Variants in STRN observed in about 807,000 individuals in gnomAD.
STRN encodes the protein protein phosphatase 2 regulatory subunit B'''alpha.
Under a neutral mutation model 96.3 loss-of-function variants are expected in STRN, and 53 were observed. That is an observed-to-expected ratio of 0.55 (90% CI 0.44 to 0.69). The LOEUF (loss-of-function observed/expected upper bound fraction) is 0.69. STRN is among the 30% of genes least tolerant of loss of function. STRN has a pLI of 0.00. For missense variants in STRN, 987 were observed against 963.9 expected (o/e 1.02, Z -0.32); for synonymous variants, 428 against 355.9 (o/e 1.20, Z -2.28).
At chr2:36,881,118 C>CTTT (rs3081783) in intron 9 of STRN, among the ~76,000 whole-genome samples, 2 of 78,996 alleles carry the variant, frequency 2.5e-5, no homozygotes, top group South Asian at 6.5e-4. Context: ...ACACTGCCTT[C>CTTT]TTTTTTTTTT....
rs1558657365 is a variant in STRN at position 36,929,140 on chromosome 2, T to G, written c.235-3932A>C. ...TACGTATTTTTCACAGTATAGAAAA[T>G]TATTCACTTCCTAACCATTATAAAC... On this transcript the variant is annotated intron_variant, in intron 1 of 17. Coordinates refer to ENST00000263918, the MANE Select transcript of STRN (RefSeq NM_003162.4). Among the ~76,000 whole-genome samples the G allele has an allele frequency of 2.0e-5, 3 of 152,048 alleles. No homozygotes were observed. The East Asian group carries it at 5.8e-4, about 29-fold the overall frequency.
chr2:36,893,955 C>G lies in STRN; in HGVS notation c.874G>C (p.Val292Leu). 1.2e-6 allele frequency: 2 copies of G among 1,613,664 alleles called. No individual in the cohort carries two copies. The highest frequency in any genetic ancestry group is 1.7e-6 in the Non-Finnish European group (2 of 1,179,836). ...TCATTGTCTCCTTCCTCTGATGTAA[C>G]CAAGAAGTCAAACTCCTTTAGAGCT... ...KEALKEFDFL[V>L]TSEEGDNESR... Residue 292 changes from valine (V) to leucine (L), a missense_variant, in exon 7 of 18, where the codon GTT becomes CTT. Transcript: ENST00000263918.
chr2:36,850,952 ATT>A (rs10668550), intron 16 of STRN, 46 bp downstream of exon 16: 112 of 1,238,904 alleles, frequency 9.0e-5, no homozygotes, highest in African/African-American at 2.0e-4. Flanking sequence ...TGTGGTAGGG[ATT>A]TTTTTTTTTT....
At chr2:36,925,286 A>C (rs971388747) in intron 1 of STRN, 78 bp from the exon 2 acceptor site, 9 of 915,792 alleles carry the variant, frequency 9.8e-6, no homozygotes, top group Non-Finnish European at 1.5e-5. Flanking sequence ...GAACCATTGG[A>C]AGTTTGAACA....
At chr2:36,872,766 C>T (rs1668795471) in intron 10 of STRN, among the ~76,000 whole-genome samples, 1 of 152,134 alleles carries the variant, frequency 6.6e-6, no homozygotes, top group Non-Finnish European at 1.5e-5. Context: ...ACAAAAGTAT[C>T]TAATGGGAAC....
chr2:36,943,411 A>G (rs899619802), intron 1 of STRN, among the ~76,000 whole-genome samples: 5 of 151,692 alleles, frequency 3.3e-5, no homozygotes, highest in African/African-American at 1.2e-4. Context: ...TAAATATATA[A>G]GATTAATAAA....
At chr2:36,914,312 A>C (rs1192753472) in intron 3 of STRN, among the ~76,000 whole-genome samples, 1 of 152,194 alleles carries the variant, frequency 6.6e-6, no homozygotes, top group Non-Finnish European at 1.5e-5. Flanking sequence ...ACATTTAAAA[A>C]ATATATTGCA....
chr2:36,944,632 C>T (rs1670933772), intron 1 of STRN, among the ~76,000 whole-genome samples: 2 of 151,812 alleles, frequency 1.3e-5, no homozygotes, highest in South Asian at 2.1e-4. Context: ...TGAAAAATTG[C>T]CAAAAATAAA....
At position 36,842,305 on chromosome 2, in the gene STRN, G is replaced by T. The variant is rs929219790; in HGVS notation, c.*7151C>A. ...AATTTTTAAAAATCTTTTGTTTGAG[G>T]CAATGAATTGGGAACCTGGTACATA... On this transcript the variant is annotated 3_prime_UTR_variant, in exon 18 of 18. Transcript: ENST00000263918. 2 of 152,002 alleles carry T rather than the reference G, an allele frequency of 1.3e-5. No homozygotes were observed. Among genetic ancestry groups the T allele is most frequent in the African/African-American group, 4.8e-5 (2 of 41,388 alleles). 9.4% of individuals were successfully genotyped at this position (152,002 alleles called of 1,614,324 possible). A position where few individuals can be genotyped will look rare whatever the true frequency, so the allele number is the denominator to read the frequency against.
At chr2:36,963,852 G>C (rs1665088302) in intron 1 of STRN, among the ~76,000 whole-genome samples, 1 of 145,090 alleles carries the variant, frequency 6.9e-6, no homozygotes, top group Non-Finnish European at 1.6e-5. Context: ...AGCTACTTGG[G>C]AGGCTGAGGC....
intron 12 of STRN, among the ~76,000 whole-genome samples, chr2:36,864,655 G>T (rs1668576235): frequency 6.6e-6 from 1 of 152,162 alleles, no homozygotes. Context: ...GTATCAGGAT[G>T]ATGCTGGCCT....
At chr2:36,947,405 A>T (rs941942125) in intron 1 of STRN, among the ~76,000 whole-genome samples, 3 of 151,826 alleles carry the variant, frequency 2.0e-5, no homozygotes, top group African/African-American at 7.2e-5. Context: ...AATACTATAA[A>T]ATGCTAGATA....
chr2:36,902,699 G>A lies in STRN; in HGVS notation c.544C>T (p.Arg182Ter), dbSNP rs765271534. ...GAAAAGCCCAACAAAGCTCGCACTC[G>A]TTTAGATTTCACATCTAGAATAGTA... Reference protein sequence around the residue: ...TDTILDVKSKRVRALLGFSSD... With the variant: ...TDTILDVKSK Residue 182 changes from arginine to a stop codon, truncating the protein, a stop_gained, in exon 5 of 18, where the codon CGA (arginine) becomes TGA (stop). Transcript: ENST00000263918. LOFTEE classifies it high-confidence loss of function. 6 of 1,610,460 alleles carry A rather than the reference G, an allele frequency of 3.7e-6. No individual in the cohort carries two copies. Among genetic ancestry groups the A allele is most frequent in the Non-Finnish European group, 5.1e-6 (6 of 1,177,602 alleles).
intron 1 of STRN, among the ~76,000 whole-genome samples, chr2:36,964,571 G>C (rs1381186085): frequency 6.6e-6 from 1 of 152,084 alleles, no homozygotes; most frequent in Non-Finnish European, 1.5e-5. Context: ...ATAACAATAG[G>C]AATGAAAAAG....
chr2:36,923,895 A>G (rs141831612), intron 2 of STRN, among the ~76,000 whole-genome samples: 1,826 of 152,340 alleles, frequency 0.012, 30 homozygotes, highest in African/African-American at 0.041. Flanking sequence ...TCATTAAAGC[A>G]AATAAATAAC....
intron 1 of STRN, among the ~76,000 whole-genome samples, 166 bp from the exon 2 acceptor site, chr2:36,925,374 GA>G (rs1263093832): frequency 6.6e-6 from 1 of 152,094 alleles, no homozygotes; most frequent in Non-Finnish European, 1.5e-5. Flanking sequence ...CTGCAAGGGG[GA>G]AAAAGGATTT....
rs1271903008 is a variant in STRN, at chr2:36,966,329, G to A, written c.135C>T (p.Ala45=). Residue 45 remains alanine (A), a synonymous_variant, in exon 1 of 18, where the codon GCC becomes GCT. Transcript: ENST00000263918. ...GCAGGATCCCCGGGAGACTGTACTG[G>A]GCTCGGGCCGCCCCCGCCGCAGCCG... is the stretch of plus-strand genomic sequence containing the variant. ...DGAAAAGAAR[A]QYSLPGILHF... 7 of 1,489,914 alleles carry A rather than the reference G, an allele frequency of 4.7e-6. No individual in the cohort carries two copies. In the South Asian group the frequency reaches 7.6e-5, roughly 16 times the overall value. 92.3% of individuals were successfully genotyped at this position (1,489,914 alleles called of 1,614,324 possible). A position where few individuals can be genotyped will look rare whatever the true frequency, so the allele number is the denominator to read the frequency against.
intron 6 of STRN, among the ~76,000 whole-genome samples, chr2:36,894,583 T>A (rs564641585): frequency 6.6e-6 from 1 of 152,336 alleles, no homozygotes; most frequent in South Asian, 2.1e-4. Context: ...CTTTATGAAC[T>A]GTCTCCATCT....
intron 2 of STRN, among the ~76,000 whole-genome samples, chr2:36,920,591 T>C (rs547717741): frequency 4.7e-5 from 7 of 148,222 alleles, no homozygotes; most frequent in Non-Finnish European, 7.4e-5. Context: ...TGAGCTGAGA[T>C]CGTGCCATGG....
Sources: gnomAD v4.1 joint callset for allele counts (sites outside exome capture counted in the v4.1 genomes callset) on GRCh38, gnomAD v4.1.1 for gene constraint, MANE v1.5 for transcripts, NCBI Gene and HGNC (gene_info 2026-07-23, HGNC 2026-07-21) for gene names.